ZNF521: variants seen among roughly 807,000 people sequenced by gnomAD.
The protein encoded by ZNF521 is LYST-interacting protein 3.
Under a neutral mutation model 105.5 loss-of-function variants are expected in ZNF521, and 14 were observed. The ratio of observed to expected loss-of-function variants is 0.13; its 90% CI spans 0.09 to 0.21. The LOEUF is 0.21. Ranked by LOEUF, ZNF521 falls within the 10% of genes least tolerant of loss-of-function variation. The pLI is 1.00. For synonymous variants in ZNF521, 635 were observed against 606.0 expected (o/e 1.05, Z -0.70); for missense variants, 1,233 against 1,629.7 (o/e 0.76, Z 4.19).
intron 5 of ZNF521, among the ~76,000 whole-genome samples, chr18:25,139,001 C>G (rs2144426184): frequency 6.6e-6 from 1 of 152,280 alleles, no homozygotes; most frequent in Non-Finnish European, 1.5e-5. Flanking sequence ...AAGGCAAACT[C>G]TTTTCTATAT....
chr18:25,218,845 T>A (rs540344550), intron 4 of ZNF521, among the ~76,000 whole-genome samples: 3 of 151,962 alleles, frequency 2.0e-5, no homozygotes, highest in African/African-American at 7.2e-5. Flanking sequence ...TGACACTCCA[T>A]CTCAAAAAAA....
At chr18:25,165,598 G>A (rs1372266628) in intron 5 of ZNF521, among the ~76,000 whole-genome samples, 1 of 152,182 alleles carries the variant, frequency 6.6e-6, no homozygotes, top group Non-Finnish European at 1.5e-5. Context: ...ACATCACAAT[G>A]AGAGTTCTCA....
intron 1 of ZNF521, 172 bp from the exon 2 acceptor site, chr18:25,351,119 G>A (rs2145245010): frequency 1.4e-5 from 3 of 210,698 alleles, no homozygotes; most frequent in East Asian, 1.8e-4. Context: ...CGCGCGCGGG[G>A]CTCGCGGCTG....
At chr18:25,310,143 C>T (rs1269487051) in intron 3 of ZNF521, among the ~76,000 whole-genome samples, 1 of 152,022 alleles carries the variant, frequency 6.6e-6, no homozygotes, top group African/African-American at 2.4e-5. Flanking sequence ...TCAAAATGGG[C>T]ACAACTCCAA....
chr18:25,075,171 C>T (rs549950779), intron 7 of ZNF521, among the ~76,000 whole-genome samples: 1 of 152,146 alleles, frequency 6.6e-6, no homozygotes, highest in South Asian at 2.1e-4. Context: ...TCTAATCAGT[C>T]CTCAAAGGAA....
At position 25,169,873 on chromosome 18, in the gene ZNF521, G is replaced by A. The variant is rs187586948; in HGVS notation, c.3658+25287C>T. Among the ~76,000 whole-genome samples, 588 of 152,162 alleles carry A rather than the reference G, an allele frequency of 3.9e-3. 1 individual carries two copies. Among genetic ancestry groups the A allele is most frequent in the African/African-American group, 0.014 (568 of 41,528 alleles). On this transcript the variant is annotated intron_variant, in intron 5 of 7. Transcript: ENST00000361524. ...TTATAAATCTTCACTGTTTTTCTTC[G>A]GTATGTATGAGTCACTTATGCTGCA...
Position 25,225,172 on chromosome 18 carries a change from T to G in ZNF521, c.2746A>C (p.Ser916Arg), listed in dbSNP as rs1271703605. The G allele has an allele frequency of 6.2e-7, 1 of 1,614,046 alleles. No individual in the cohort carries two copies. The highest frequency in any genetic ancestry group is 8.5e-7 in the Non-Finnish European group (1 of 1,180,050). ...TCAGCTTTCTTTTTCACGATGGCAC[T>G]TTCTCCAGGTCTGATGTTGTGGTCT... ...LRDHNIRPGE[S>R]AIVKKKAELI... Residue 916 changes from serine (S) to arginine (R), a missense_variant, in exon 4 of 8, where the codon AGT (serine) becomes CGT (arginine). Physicochemically the swap from Ser to Arg is moderately radical, Grantham distance 110 (BLOSUM62 -1). Transcript: ENST00000361524. The surrounding 1 kb of genome is among the most constrained non-coding windows in gnomAD (Gnocchi z 5.6).
intron 2 of ZNF521, among the ~76,000 whole-genome samples, chr18:25,350,298 T>C (rs8087520): frequency 0.92 from 139,508 of 151,854 alleles, 64,217 homozygotes; most frequent in African/African-American, 0.97. Flanking sequence ...AGAGGGGTGC[T>C]CTGAGGCCCG....
intron 5 of ZNF521, among the ~76,000 whole-genome samples, chr18:25,093,583 T>TA (rs2033793758): frequency 6.6e-6 from 1 of 152,188 alleles, no homozygotes; most frequent in Non-Finnish European, 1.5e-5. Flanking sequence ...GTATTCCTAA[T>TA]CTTTCTTCCC....
chr18:25,079,229 T>A (rs2033435210), intron 7 of ZNF521, among the ~76,000 whole-genome samples: 1 of 152,220 alleles, frequency 6.6e-6, no homozygotes, highest in East Asian at 1.9e-4. Context: ...CAAGCAGTTC[T>A]CAGGACCTTG....
intron 7 of ZNF521, among the ~76,000 whole-genome samples, chr18:25,074,720 G>C (rs952402717): frequency 2.0e-5 from 3 of 152,054 alleles, no homozygotes; most frequent in African/African-American, 7.2e-5. Context: ...GCCAAGAAGA[G>C]CTTCTATTTG....
At chr18:25,239,959 G>A (rs1257304549) in intron 3 of ZNF521, among the ~76,000 whole-genome samples, 1 of 151,878 alleles carries the variant, frequency 6.6e-6, no homozygotes, top group Non-Finnish European at 1.5e-5. Flanking sequence ...TTTCCCTCAA[G>A]CTCTCTTTTT....
intron 5 of ZNF521, among the ~76,000 whole-genome samples, chr18:25,170,562 C>T (rs1398366796): frequency 6.6e-6 from 1 of 152,132 alleles, no homozygotes; most frequent in Non-Finnish European, 1.5e-5. Context: ...TGTTGGTACA[C>T]ACTATCTCTG....
intron 7 of ZNF521, among the ~76,000 whole-genome samples, chr18:25,074,062 G>GTGCGTGTGCA (rs372237076): frequency 0.14 from 21,718 of 151,792 alleles, 1,662 homozygotes; most frequent in African/African-American, 0.17. Context: ...ACATGTGTGC[G>GTGCGTGTGCA]CACGCGTGTG....
intron 3 of ZNF521, among the ~76,000 whole-genome samples, chr18:25,283,133 T>G (rs1910484146): frequency 1.3e-5 from 2 of 152,358 alleles, no homozygotes; most frequent in Middle Eastern, 6.8e-3. Context: ...ACAGGAGTGT[T>G]GGCATGAGCC....
intron 3 of ZNF521, among the ~76,000 whole-genome samples, chr18:25,233,698 AG>A (rs1357941293): frequency 7.2e-6 from 1 of 139,148 alleles, no homozygotes; most frequent in African/African-American, 2.7e-5. Flanking sequence ...AATACTCCCT[AG>A]TAAAAAAGAG....
intron 3 of ZNF521, among the ~76,000 whole-genome samples, chr18:25,237,886 A>G (rs1435403052): frequency 2.0e-5 from 3 of 152,248 alleles, no homozygotes; most frequent in Non-Finnish European, 4.4e-5. Context: ...CAGAGAAAAG[A>G]AAGTCAAGGC....
chr18:25,170,677 A>T (rs1329622247), intron 5 of ZNF521, among the ~76,000 whole-genome samples: 1 of 152,156 alleles, frequency 6.6e-6, no homozygotes, highest in Admixed American at 6.5e-5. Context: ...TCCACTATTA[A>T]ATCGTAGCCG....
intron 5 of ZNF521, among the ~76,000 whole-genome samples, chr18:25,114,452 G>A (rs2034263703): frequency 6.6e-6 from 1 of 152,128 alleles, no homozygotes. Context: ...AAATTGTGAG[G>A]TTAATGAGGT....
Sources: gnomAD v4.1 joint callset for allele counts (sites outside exome capture counted in the v4.1 genomes callset) on GRCh38, gnomAD v4.1.1 for gene constraint, Gnocchi (gnomAD v3.1) non-coding constraint, MANE v1.5 for transcripts, NCBI Gene and HGNC (gene_info 2026-07-23, HGNC 2026-07-21) for gene names.